Variants in ZPBP observed in about 807,000 individuals in gnomAD.
ZPBP encodes zona pellucida binding protein.
In ZPBP, 26 loss-of-function variants were observed where a neutral mutation model predicts 44.8. The ratio of observed to expected loss-of-function variants is 0.58; its 90% confidence interval spans 0.43 to 0.81. The LOEUF (loss-of-function observed/expected upper bound fraction) is 0.81. Ranked by LOEUF, ZPBP falls within the 30% of genes least tolerant of loss-of-function variation. The pLI, the probability that ZPBP is intolerant of heterozygous loss-of-function variation, is 0.00. For missense variants in ZPBP, 409 were observed against 434.0 expected, an observed-to-expected ratio of 0.94 and a Z score of 0.51; for synonymous variants, 174 against 153.2, an observed-to-expected ratio of 1.14 and a Z score of -1.00.
intron 7 of ZPBP, among the ~76,000 whole-genome samples, chr7:49,979,819 T>TTA (rs1195373027): frequency 1.0e-4 from 11 of 110,364 alleles, no homozygotes; most frequent in African/African-American, 4.0e-4. Flanking sequence ...TGTTCTGGAG[T>TTA]TATACATATA....
At chr7:49,875,820 T>G (rs955759056) in intron 2 of ZPBP, among the ~76,000 whole-genome samples, 1 of 152,162 alleles carries the variant, frequency 6.6e-6, no homozygotes, top group Non-Finnish European at 1.5e-5. Context: ...TTGGTATTAT[T>G]ATTCCTTTTT....
chr7:49,859,960 T>C (rs1233552027), intron 2 of ZPBP, among the ~76,000 whole-genome samples: 1 of 151,710 alleles, frequency 6.6e-6, no homozygotes, highest in African/African-American at 2.4e-5. Flanking sequence ...ATGTGTTTAC[T>C]TATGTATAAA....
chr7:49,877,481 A>AAAAAAATACATATATAT lies in ZPBP; in HGVS notation n.509+23636_509+23637insATATATATGTATTTTTT. 1.6e-4 allele frequency among the ~76,000 whole-genome samples: 2 copies of AAAAAAATACATATATAT among 12,722 alleles called. 1 individual carries two copies. Among genetic ancestry groups the AAAAAAATACATATATAT allele is most frequent in the African/African-American group, 5.6e-4 (2 of 3,594 alleles). The allele number at this position is 12,722 out of a possible 152,430, so 8.3% of individuals were successfully genotyped here. On this transcript the variant is annotated intron_variant and non_coding_transcript_variant, in intron 2 of 2. Transcript: ENST00000465922. ...CTGTCTCAAAAAAAAAAAAAAAAAA[A>AAAAAAATACATATATAT]ATATATATATATATATATATATATA...
At chr7:49,990,537 G>A (rs957144971) in intron 6 of ZPBP, among the ~76,000 whole-genome samples, 1 of 151,884 alleles carries the variant, frequency 6.6e-6, no homozygotes, top group Non-Finnish European at 1.5e-5. Context: ...GTACCCCTTT[G>A]GAATGCACCC....
chr7:49,891,622 A>C (rs1000357734), intron 2 of ZPBP, among the ~76,000 whole-genome samples: 2 of 152,212 alleles, frequency 1.3e-5, no homozygotes, highest in Admixed American at 6.5e-5. Flanking sequence ...ATAAAAAAAA[A>C]CAGCAATAAT....
chr7:50,077,993 T>C (rs752848369), intron 3 of ZPBP, among the ~76,000 whole-genome samples: 2 of 151,846 alleles, frequency 1.3e-5, no homozygotes, highest in Non-Finnish European at 3.0e-5. Context: ...GCAAACTACA[T>C]GTCCATCAGC....
rs1247512198 is a variant in ZPBP, at chr7:49,942,655, G to A, written c.962-5033C>T. The A allele has an allele frequency of 2.0e-5, 3 of 152,600 alleles. No individual in the cohort carries two copies. The Admixed American group carries it at 2.0e-4, about 10-fold the overall frequency. 9.5% of individuals were successfully genotyped at this position (152,600 alleles called of 1,614,324 possible). A position where few individuals can be genotyped will look rare whatever the true frequency, so the allele number is the denominator to read the frequency against. ...CATCTAGAGCTTTAATAATGGCTTT[G>A]GTGTGATTTTTCCATATGTTCTTCC... On this transcript the variant is annotated intron_variant, in intron 7 of 7. Transcript: ENST00000046087.
At chr7:49,851,322 A>C (rs916541746) in intron 2 of ZPBP, among the ~76,000 whole-genome samples, 1 of 152,136 alleles carries the variant, frequency 6.6e-6, no homozygotes, top group Non-Finnish European at 1.5e-5. Flanking sequence ...CCCTTTTCCA[A>C]ATAAGGCCTC....
intron 1 of ZPBP, among the ~76,000 whole-genome samples, chr7:50,090,983 T>A (rs1276157119): frequency 6.6e-6 from 1 of 152,118 alleles, no homozygotes; most frequent in Non-Finnish European, 1.5e-5. Flanking sequence ...TATTTTTTTT[T>A]TTATTTTTTG....
chr7:49,855,220 T>C (rs1790367261), intron 2 of ZPBP, among the ~76,000 whole-genome samples: 1 of 152,224 alleles, frequency 6.6e-6, no homozygotes, highest in African/African-American at 2.4e-5. Context: ...CTCATGTCTC[T>C]GAAAATGGGA....
At chr7:50,003,067 G>A (rs1798163969) in intron 6 of ZPBP, among the ~76,000 whole-genome samples, 1 of 152,046 alleles carries the variant, frequency 6.6e-6, no homozygotes, top group Non-Finnish European at 1.5e-5. Flanking sequence ...TGTTTTGGAG[G>A]AAAAACCCTA....
At position 50,069,687 on chromosome 7, in the gene ZPBP, G is replaced by A. The variant is rs147342475; in HGVS notation, c.335-11546C>T. Among the ~76,000 whole-genome samples the A allele has an allele frequency of 1.6e-3, 243 of 152,056 alleles. 3 individuals carry two copies. Among genetic ancestry groups the A allele is most frequent in the Admixed American group, 0.015 (223 of 15,282 alleles). ...AATTCTTTATCATGCACTCCAAAAGGGTTGGTTTTGATGCTTTCCCTCCTA... is the reference window on the plus strand; with the variant it reads ...AATTCTTTATCATGCACTCCAAAAGAGTTGGTTTTGATGCTTTCCCTCCTA... On this transcript the variant is annotated intron_variant, in intron 3 of 7. Transcript: ENST00000046087.
intron 7 of ZPBP, among the ~76,000 whole-genome samples, chr7:49,982,427 A>G (rs1463063309): frequency 2.1e-5 from 3 of 142,918 alleles, no homozygotes; most frequent in Admixed American, 7.7e-5. Context: ...GTTGGAAGTC[A>G]TTTGTTTAAT....
chr7:49,877,477 AAAAAATATATAT>A (rs1448784099), intron 2 of ZPBP, among the ~76,000 whole-genome samples: 1,204 of 17,288 alleles, frequency 0.07, 167 homozygotes, highest in Admixed American at 0.27. Context: ...AAAAAAAAAA[AAAAAATATATAT>A]ATATATATAT....
intron 5 of ZPBP, among the ~76,000 whole-genome samples, chr7:50,021,973 C>T (rs777744794): frequency 2.6e-5 from 4 of 152,078 alleles, no homozygotes; most frequent in Non-Finnish European, 5.9e-5. Flanking sequence ...TACTAGGTGT[C>T]CACAATAAGA....
At chr7:49,866,460 G>A (rs550643065) in intron 2 of ZPBP, among the ~76,000 whole-genome samples, 1 of 152,316 alleles carries the variant, frequency 6.6e-6, no homozygotes, top group Admixed American at 6.5e-5. Context: ...GCCAAACCCT[G>A]CAGGCAAGCC....
rs768163295 is a variant in ZPBP at position 50,031,247 on chromosome 7, C to T, written c.551G>A (p.Ser184Asn). 6.8e-6 allele frequency: 11 copies of T among 1,612,346 alleles called. No individual in the cohort carries two copies. Among genetic ancestry groups the T allele is most frequent in the South Asian group, 3.3e-5 (3 of 91,004 alleles). The change falls in exon 5 of 8, where the codon AGC becomes AAC. Residue 184 changes from serine (S) to asparagine (N), a missense_variant. Around this residue, in one of 2 missense-constraint regions of ZPBP, gnomAD observed 367 missense variants for 363.1 expected, o/e 1.01. Coordinates refer to ENST00000046087, the MANE Select transcript of ZPBP (RefSeq NM_007009.3). The stretch of plus-strand genomic sequence containing the variant: ...CTTCTCAAAAGAAATATTATAAATG[C>T]TATTGCAGGGAGCTGCATGATATCG... ...TARYHAAPCN[S>N]IYNISFEKKL...
chr7:50,069,909 A>G (rs1463024036), intron 3 of ZPBP, among the ~76,000 whole-genome samples: 1 of 152,102 alleles, frequency 6.6e-6, no homozygotes, highest in Non-Finnish European at 1.5e-5. Context: ...GCCTTGGAGC[A>G]CACAGACCAT....
At chr7:49,979,490 TAG>T (rs1224793995) in intron 7 of ZPBP, among the ~76,000 whole-genome samples, 1 of 151,930 alleles carries the variant, frequency 6.6e-6, no homozygotes, top group Non-Finnish European at 1.5e-5. Context: ...TCAAATAGTG[TAG>T]TACATAATAA....
Sources: allele counts gnomAD v4.1 joint callset (sites outside exome capture counted in the v4.1 genomes callset), GRCh38; gene constraint gnomAD v4.1.1; regional missense constraint gnomAD v4.1.1; transcripts MANE v1.5; gene names NCBI Gene and HGNC (gene_info 2026-07-23, HGNC 2026-07-21).